Variants in TOP6BL observed in about 807,000 individuals in gnomAD.
TOP6BL encodes type 2 DNA topoisomerase 6 subunit B-like.
the TOP6BL span, chr11:66,788,128 G>A: frequency 6.7e-7 from 1 of 1,493,552 alleles, no homozygotes; most frequent in East Asian, 2.3e-5. Context: ...CAAACTGCTT[G>A]TTTGACTTTG....
chr11:66,838,297 C>T, the TOP6BL span: 77 of 1,375,862 alleles, frequency 5.6e-5, no homozygotes, highest in Non-Finnish European at 7.3e-5. Context: ...AGCCACCAGG[C>T]ACACTCCTGT....
chr11:66,809,232 A>G, the TOP6BL span, among the ~76,000 whole-genome samples: 1 of 152,240 alleles, frequency 6.6e-6, no homozygotes, highest in Non-Finnish European at 1.5e-5. Context: ...AAAGAGATGA[A>G]AAACAGAGAA....
At chr11:66,811,387 T>G in the TOP6BL span, among the ~76,000 whole-genome samples, 1 of 152,222 alleles carries the variant, frequency 6.6e-6, no homozygotes, top group South Asian at 2.1e-4. Context: ...AGACAGGGTT[T>G]CGCCATGTTG....
chr11:66,796,326 A>G, the TOP6BL span: 3 of 1,611,124 alleles, frequency 1.9e-6, no homozygotes, highest in Non-Finnish European at 2.5e-6. Flanking sequence ...TCTGGTTATA[A>G]AGCATTTTTT....
At chr11:66,830,341 G>T in the TOP6BL span, among the ~76,000 whole-genome samples, 1 of 152,132 alleles carries the variant, frequency 6.6e-6, no homozygotes, top group Non-Finnish European at 1.5e-5. Context: ...AGGGATATTA[G>T]AAATATTTTA....
chr11:66,821,746 A>G, the TOP6BL span: 1 of 1,613,482 alleles, frequency 6.2e-7, no homozygotes, highest in Admixed American at 1.7e-5. Context: ...TCTTGGAGCA[A>G]CATCACCAGG....
At chr11:66,745,019 A>C in the TOP6BL span, 1 of 1,165,914 alleles carries the variant, frequency 8.6e-7, no homozygotes, top group Non-Finnish European at 1.1e-6. Flanking sequence ...GCGTCGCCTA[A>C]GGTGAAGGAG....
At chr11:66,817,640 T>C in the TOP6BL span, among the ~76,000 whole-genome samples, 1 of 152,116 alleles carries the variant, frequency 6.6e-6, no homozygotes, top group South Asian at 2.1e-4. Flanking sequence ...GGTTTCACCA[T>C]GTTGGTCAGG....
At chr11:66,767,836 G>A in the TOP6BL span, among the ~76,000 whole-genome samples, 5 of 152,114 alleles carry the variant, frequency 3.3e-5, no homozygotes, top group Non-Finnish European at 5.9e-5. Flanking sequence ...TGTTTCCCAG[G>A]CTGAAGTGCA....
chr11:66,809,537 G>T, the TOP6BL span, among the ~76,000 whole-genome samples: 3 of 152,148 alleles, frequency 2.0e-5, no homozygotes, highest in Non-Finnish European at 4.4e-5. Context: ...GGATGAAATG[G>T]AAGTCCAAAG....
the TOP6BL span, among the ~76,000 whole-genome samples, chr11:66,757,651 A>G: frequency 1.3e-5 from 2 of 152,104 alleles, no homozygotes; most frequent in South Asian, 2.1e-4. Flanking sequence ...CAATGGTGCA[A>G]TCTCGGCTTA....
At chr11:66,798,235 A>T in the TOP6BL span, among the ~76,000 whole-genome samples, 1 of 152,204 alleles carries the variant, frequency 6.6e-6, no homozygotes, top group African/African-American at 2.4e-5. Flanking sequence ...AGGAAGAAAA[A>T]GCAAAGAAAA....
At chr11:66,826,464 A>G in the TOP6BL span, among the ~76,000 whole-genome samples, 1 of 152,208 alleles carries the variant, frequency 6.6e-6, no homozygotes, top group East Asian at 1.9e-4. Flanking sequence ...ATTATTTTCT[A>G]GAACAAATTT....
At chr11:66,777,771 C>T in the TOP6BL span, among the ~76,000 whole-genome samples, 1 of 151,924 alleles carries the variant, frequency 6.6e-6, no homozygotes, top group Non-Finnish European at 1.5e-5. Flanking sequence ...ACTCGGGAGG[C>T]TGAGGCAAGG....
At chr11:66,835,423 A>G in the TOP6BL span, among the ~76,000 whole-genome samples, 1 of 152,238 alleles carries the variant, frequency 6.6e-6, no homozygotes, top group Admixed American at 6.5e-5. Context: ...TCTCTCATGG[A>G]GATAATTCAT....
chr11:66,795,366 A>G, the TOP6BL span, among the ~76,000 whole-genome samples: 2 of 144,748 alleles, frequency 1.4e-5, no homozygotes, highest in African/African-American at 5.2e-5. Context: ...CAGGGGCACC[A>G]TCTTGGTTCA....
At chr11:66,757,594 T>A in the TOP6BL span, among the ~76,000 whole-genome samples, 7 of 150,856 alleles carry the variant, frequency 4.6e-5, no homozygotes, top group African/African-American at 1.7e-4. Flanking sequence ...GGAACTAAAA[T>A]TTTTTTTTTG....
chr11:66,747,950 C>T, the TOP6BL span, among the ~76,000 whole-genome samples: 26 of 152,126 alleles, frequency 1.7e-4, no homozygotes, highest in Admixed American at 2.0e-4. Flanking sequence ...TATTCTGACC[C>T]TCAAAAGTGT....
the TOP6BL span, among the ~76,000 whole-genome samples, chr11:66,766,347 T>G: frequency 0.011 from 1,651 of 152,350 alleles, 38 homozygotes; most frequent in African/African-American, 0.037. Context: ...CATATTTCTG[T>G]GTATTTTATT....
Sources: gnomAD v4.1 joint callset for allele counts (sites outside exome capture counted in the v4.1 genomes callset) on GRCh38, gnomAD v4.1.1 for gene constraint, MANE v1.5 for transcripts, NCBI Gene and HGNC (gene_info 2026-07-23, HGNC 2026-07-21) for gene names.